Variants in BLOC1S3 observed in about 807,000 individuals in gnomAD.
The protein encoded by BLOC1S3 is biogenesis of lysosome-related organelles complex 1 subunit 3.
BLOC1S3 carries 7 observed loss-of-function variants against 9.1 expected under a neutral mutation model. The observed-to-expected ratio is 0.77, with a 90% confidence interval of 0.44 to 1.45. The LOEUF is 1.45. BLOC1S3 is among the 40% of genes most tolerant of loss of function. The probability of loss-of-function intolerance (pLI) is 0.01; values close to 1 mark genes in which losing one functional copy is unlikely to be tolerated. For missense variants in BLOC1S3, 307 were observed against 315.2 expected (o/e 0.97, Z 0.20); for synonymous variants, 145 against 158.4 (o/e 0.92, Z 0.64).
intron 2 of BLOC1S3, among the ~76,000 whole-genome samples, chr19:45,199,856 C>A (rs993484020): frequency 3.3e-5 from 5 of 151,942 alleles, no homozygotes; most frequent in African/African-American, 9.7e-5. Flanking sequence ...ACCTCCACTT[C>A]CTGCGTTCAA....
rs1969477405 is a variant in BLOC1S3 at position 45,179,529 on chromosome 19, G to A, written c.233G>A (p.Arg78Lys). The change falls in exon 2 of 2, where the codon AGG becomes AAG. Residue 78 changes from arginine to lysine, a missense_variant. Arg to Lys is a conservative substitution (Grantham distance 26). Coordinates refer to ENST00000433642, the MANE Select transcript of BLOC1S3 (RefSeq NM_212550.5). This position sits in a 1 kb window ranked among gnomAD's most constrained non-coding sequence, Gnocchi z 4.6. ...GAGCCGGAACCGACGGCCGCGCCGA[G>A]GGACCTGCCTCCACTCGTGGTGCAG... ...EPEPEPTAAP[R>K]DLPPLVVQRE... 1 of 1,523,524 alleles carries A rather than the reference G, an allele frequency of 6.6e-7. No homozygotes were observed. The highest frequency in any genetic ancestry group is 2.0e-5 in the Admixed American group (1 of 50,370). The allele number at this position is 1,523,524 out of a possible 1,614,324, so 94.4% of individuals were successfully genotyped here. A position where few individuals can be genotyped will look rare whatever the true frequency, so the allele number is the denominator to read the frequency against.
intron 3 of BLOC1S3, among the ~76,000 whole-genome samples, chr19:45,209,381 G>A (rs1005855684): frequency 5.3e-5 from 8 of 152,032 alleles, no homozygotes; most frequent in Admixed American, 5.2e-4. Context: ...TTGTATACTT[G>A]AAAATTTCGA....
intron 3 of BLOC1S3, among the ~76,000 whole-genome samples, chr19:45,214,349 G>A (rs907657262): frequency 1.3e-5 from 2 of 152,148 alleles, no homozygotes; most frequent in Admixed American, 1.3e-4. Flanking sequence ...TGCCCAAATA[G>A]CACTGCAAGG....
chr19:45,202,189 G>A (rs578197484), intron 2 of BLOC1S3, among the ~76,000 whole-genome samples: 2 of 144,506 alleles, frequency 1.4e-5, no homozygotes, highest in Non-Finnish European at 3.0e-5. Context: ...TCCAGCCTGG[G>A]TGACAGAGTG....
intron 3 of BLOC1S3, among the ~76,000 whole-genome samples, chr19:45,203,771 A>G (rs943561120): frequency 1.4e-4 from 22 of 152,228 alleles, no homozygotes; most frequent in Non-Finnish European, 2.6e-4. Context: ...CAAAGCCTCA[A>G]ATCAGTCACT....
At chr19:45,216,819 A>G (rs889688753) in exon 4 of BLOC1S3, 1 of 152,116 alleles carries the variant, frequency 6.6e-6, no homozygotes, top group African/African-American at 2.4e-5. Flanking sequence ...TGAATCTACA[A>G]TTATCTCAAA....
intron 2 of BLOC1S3, among the ~76,000 whole-genome samples, chr19:45,192,414 C>T (rs1969612908): frequency 6.6e-6 from 1 of 152,072 alleles, no homozygotes; most frequent in African/African-American, 2.4e-5. Context: ...TGCTCTACTC[C>T]ACTGTGGCCG....
chr19:45,196,882 C>G (rs1969652361), intron 2 of BLOC1S3, among the ~76,000 whole-genome samples: 1 of 139,976 alleles, frequency 7.1e-6, no homozygotes. Flanking sequence ...GCCTGGGCAA[C>G]AGAGCAAGAC....
intron 3 of BLOC1S3, chr19:45,213,397 G>A: frequency 1.2e-6 from 2 of 1,603,268 alleles, no homozygotes; most frequent in Middle Eastern, 1.7e-4. Context: ...CAGATCCCCA[G>A]CTCTAGACAC....
chr19:45,213,287 C>T (rs776146386), intron 3 of BLOC1S3: 10 of 1,613,710 alleles, frequency 6.2e-6, no homozygotes, highest in South Asian at 1.1e-5. Context: ...CGGGCCACGG[C>T]CAGGATCTCC....
intron 3 of BLOC1S3, chr19:45,216,027 ACCTCGGCCAGGCACGGCGAGC>A (rs1599759744): frequency 1.2e-6 from 2 of 1,605,640 alleles, no homozygotes; most frequent in Non-Finnish European, 1.7e-6. Context: ...CCGCCAGGAG[ACCTCGGCCAGGCACGGCGAGC>A]CCTGGCCCAG....
At chr19:45,202,514 G>A (rs1312430037) in intron 3 of BLOC1S3, 1 of 152,698 alleles carries the variant, frequency 6.5e-6, no homozygotes, top group South Asian at 2.0e-4. Context: ...TGTGGTGAGT[G>A]CTGCCAGGCC....
At chr19:45,183,489 AGT>A (rs1000875577), downstream of BLOC1S3, among the ~76,000 whole-genome samples, 1 of 151,174 alleles carries the variant, frequency 6.6e-6, no homozygotes, top group Non-Finnish European at 1.5e-5. Context: ...AAAAAAAAAA[AGT>A]AGGTGCGGAT....
chr19:45,202,020 G>A (rs1288852285), intron 2 of BLOC1S3, among the ~76,000 whole-genome samples: 2 of 151,736 alleles, frequency 1.3e-5, no homozygotes, highest in African/African-American at 2.4e-5. Context: ...TCAGGAGATC[G>A]AGACCATCCT....
rs1202711664 is a variant in BLOC1S3 at position 45,187,732 on chromosome 19, T to C, written n.172T>C. 2.0e-5 allele frequency: 3 copies of C among 152,108 alleles called. No individual in the cohort carries two copies. In the East Asian group the frequency reaches 5.8e-4, roughly 29 times the overall value. The allele number at this position is 152,108 out of a possible 1,614,324, so 9.4% of individuals were successfully genotyped here. A position where few individuals can be genotyped will look rare whatever the true frequency, so the allele number is the denominator to read the frequency against. ...GCCCTCTGTTGGAAAACTCGCGTAA[T>C]ATACAAAGGTAAAGTCCTCACTTGG... On this transcript the variant is annotated non_coding_transcript_exon_variant, in exon 2 of 4. Coordinates refer to the BLOC1S3 transcript ENST00000591569.
rs538842144 is a variant in BLOC1S3, at chr19:45,190,966, C to T, written n.180+3226C>T. On this transcript the variant is annotated intron_variant and non_coding_transcript_variant, in intron 2 of 3. Coordinates refer to the BLOC1S3 transcript ENST00000591569. ...GACCACAGGCACCCGACACCACGCC[C>T]GGCTAATTTTTTGTTTTTTTAGTAG... 3.6e-4 allele frequency among the ~76,000 whole-genome samples: 54 copies of T among 150,298 alleles called. No homozygotes were observed. In the South Asian group the frequency reaches 4.6e-3, roughly 13 times the overall value.
intron 2 of BLOC1S3, among the ~76,000 whole-genome samples, chr19:45,194,405 G>A (rs894296999): frequency 3.3e-5 from 5 of 152,130 alleles, no homozygotes; most frequent in East Asian, 3.9e-4. Context: ...GAGCCACCGC[G>A]CCCAGCCAAT....
chr19:45,194,188 C>T (rs1016612487), intron 2 of BLOC1S3, among the ~76,000 whole-genome samples: 1 of 136,208 alleles, frequency 7.3e-6, no homozygotes, highest in African/African-American at 2.7e-5. Context: ...TCTCAGCTCA[C>T]TGCAACCTCT....
chr19:45,203,261 A>G (rs999948552), intron 3 of BLOC1S3, among the ~76,000 whole-genome samples: 21 of 103,882 alleles, frequency 2.0e-4, no homozygotes, highest in African/African-American at 1.1e-3. Flanking sequence ...CTGCCTTTCA[A>G]GTTTATTTAT....
Sources: allele counts gnomAD v4.1 joint callset (sites outside exome capture counted in the v4.1 genomes callset), GRCh38; gene constraint gnomAD v4.1.1; non-coding constraint Gnocchi (gnomAD v3.1); transcripts MANE v1.5; gene names NCBI Gene and HGNC (gene_info 2026-07-23, HGNC 2026-07-21).